The following FAM135B variants were observed in gnomAD, a reference collection of about 807,000 sequenced individuals.
FAM135B encodes the protein protein FAM135B.
FAM135B carries 43 observed loss-of-function variants against 127.7 expected under a neutral mutation model. That is an observed-to-expected ratio of 0.34 (90% CI 0.26 to 0.43). FAM135B has a LOEUF of 0.43. Ranked by LOEUF, FAM135B falls within the 20% of genes least tolerant of loss-of-function variation. The probability of loss-of-function intolerance (pLI) is 1.00; values close to 1 mark genes in which losing one functional copy is unlikely to be tolerated. For synonymous variants in FAM135B, 670 were observed against 665.1 expected (o/e 1.01, Z -0.11); for missense variants, 1,558 against 1,725.6 (o/e 0.90, Z 1.72).
At chr8:138,313,862 G>C (rs1031324649) in intron 2 of FAM135B, among the ~76,000 whole-genome samples, 7 of 150,818 alleles carry the variant, frequency 4.6e-5, no homozygotes, top group Non-Finnish European at 1.0e-4. Context: ...CAGCACCTTT[G>C]TGGTCATTCA....
intron 1 of FAM135B, among the ~76,000 whole-genome samples, chr8:138,428,843 C>G (rs143962918): frequency 3.3e-5 from 5 of 152,126 alleles, no homozygotes; most frequent in Non-Finnish European, 7.3e-5. Flanking sequence ...ATTTATACCT[C>G]GAAATTTAAT....
At chr8:138,188,317 A>C (rs79019332) in intron 9 of FAM135B, among the ~76,000 whole-genome samples, 2 of 152,194 alleles carry the variant, frequency 1.3e-5, no homozygotes, top group Admixed American at 1.3e-4. Flanking sequence ...GAAGTACTGC[A>C]GGCCCAGGAC....
chr8:138,441,170 C>G (rs918515592), intron 1 of FAM135B: 1 of 152,146 alleles, frequency 6.6e-6, no homozygotes, highest in African/African-American at 2.4e-5. Flanking sequence ...ATATTTTTTA[C>G]AGCACTGGAG....
intron 1 of FAM135B, among the ~76,000 whole-genome samples, chr8:138,379,362 G>C (rs532257260): frequency 6.6e-6 from 1 of 152,076 alleles, no homozygotes; most frequent in Non-Finnish European, 1.5e-5. Context: ...CTTTTGGGAA[G>C]ATCAACATAA....
chr8:138,268,652 A>T (rs1435046244), intron 3 of FAM135B, among the ~76,000 whole-genome samples: 1 of 152,106 alleles, frequency 6.6e-6, no homozygotes, highest in Non-Finnish European at 1.5e-5. Context: ...TACCCGACCC[A>T]CTATCCTCAC....
intron 4 of FAM135B, 51 bp from the exon 5 acceptor site, chr8:138,256,810 A>G: frequency 7.3e-7 from 1 of 1,376,304 alleles, no homozygotes; most frequent in Non-Finnish European, 1.0e-6. Flanking sequence ...TCTTGTCCAA[A>G]TGAAATACTT....
rs1359858851 is a variant in FAM135B at position 138,130,177 on chromosome 8, T to A, written c.*2416A>T. ...AATTTTTACAATCAATAATAGAATGTCCCTGTTTTACATAATATATATTTA... is the reference window on the plus strand; with the variant it reads ...AATTTTTACAATCAATAATAGAATGACCCTGTTTTACATAATATATATTTA... On this transcript the variant is annotated 3_prime_UTR_variant, in exon 20 of 20. Coordinates refer to ENST00000395297, the MANE Select transcript of FAM135B (RefSeq NM_015912.4). 1 of 150,440 alleles carries A rather than the reference T, an allele frequency of 6.6e-6. No individual in the cohort carries two copies. Among genetic ancestry groups the A allele is most frequent in the African/African-American group, 2.4e-5 (1 of 41,156 alleles). 9.3% of individuals were successfully genotyped at this position (150,440 alleles called of 1,614,324 possible).
intron 7 of FAM135B, among the ~76,000 whole-genome samples, chr8:138,233,668 A>C (rs1820061290): frequency 6.6e-6 from 1 of 152,208 alleles, no homozygotes; most frequent in Non-Finnish European, 1.5e-5. Context: ...GATGAGCAGG[A>C]CTACACAAAA....
chr8:138,200,084 C>CTGGA, intron 7 of FAM135B, among the ~76,000 whole-genome samples: 1 of 152,216 alleles, frequency 6.6e-6, no homozygotes, highest in African/African-American at 2.4e-5. Flanking sequence ...GAAGGTAGGG[C>CTGGA]TGGACATCAC....
intron 1 of FAM135B, among the ~76,000 whole-genome samples, chr8:138,482,561 T>C (rs1814824879): frequency 6.6e-6 from 1 of 152,138 alleles, no homozygotes; most frequent in South Asian, 2.1e-4. Flanking sequence ...TTGTAGCCAA[T>C]CCCAGGTCCT....
chr8:138,280,029 T>C (rs1824141505), intron 3 of FAM135B, among the ~76,000 whole-genome samples: 1 of 152,172 alleles, frequency 6.6e-6, no homozygotes, highest in East Asian at 1.9e-4. Flanking sequence ...CATGTAGTTT[T>C]ATAAACGCAT....
intron 4 of FAM135B, among the ~76,000 whole-genome samples, chr8:138,260,175 A>G (rs1374769496): frequency 1.3e-5 from 2 of 152,202 alleles, no homozygotes; most frequent in Non-Finnish European, 2.9e-5. Flanking sequence ...TAGGCCTGAG[A>G]ACCTGGCCTT....
At chr8:138,398,408 C>T (rs1316344035) in intron 1 of FAM135B, among the ~76,000 whole-genome samples, 7 of 152,218 alleles carry the variant, frequency 4.6e-5, no homozygotes, top group Non-Finnish European at 1.0e-4. Flanking sequence ...GCTCAATTTA[C>T]AAGTCAAAAC....
intron 1 of FAM135B, among the ~76,000 whole-genome samples, chr8:138,393,082 G>A (rs1435739094): frequency 6.6e-6 from 1 of 152,170 alleles, no homozygotes; most frequent in Non-Finnish European, 1.5e-5. Flanking sequence ...AAGAGAGCTT[G>A]TGCAGAAAAC....
intron 7 of FAM135B, among the ~76,000 whole-genome samples, chr8:138,206,520 TCATCCCCTCCATCTACACACAACTCCAG>T (rs1817644895): frequency 6.7e-6 from 1 of 148,874 alleles, no homozygotes. Context: ...CACAGCTCTA[TCATCCCCTCCATCTACACACAACTCCAG>T]CATCCCCTCC....
intron 12 of FAM135B, among the ~76,000 whole-genome samples, chr8:138,163,311 T>C (rs943692192): frequency 6.6e-6 from 1 of 152,062 alleles, no homozygotes; most frequent in African/African-American, 2.4e-5. Context: ...AACCTCCCAA[T>C]TGTCTTGGGA....
At chr8:138,425,895 TCTCAG>T (rs1834813272) in intron 1 of FAM135B, among the ~76,000 whole-genome samples, 1 of 149,352 alleles carries the variant, frequency 6.7e-6, no homozygotes, top group Non-Finnish European at 1.5e-5. Flanking sequence ...ATGCCTGTAA[TCTCAG>T]CACTTTGGGA....
chr8:138,443,662 G>A (rs192685566), intron 1 of FAM135B, among the ~76,000 whole-genome samples: 1 of 152,274 alleles, frequency 6.6e-6, no homozygotes, highest in African/African-American at 2.4e-5. Flanking sequence ...GAATTAGAGA[G>A]CAAACAAATG....
At chr8:138,303,027 C>T (rs1282811032) in intron 3 of FAM135B, among the ~76,000 whole-genome samples, 1 of 152,196 alleles carries the variant, frequency 6.6e-6, no homozygotes, top group Non-Finnish European at 1.5e-5. Context: ...GACAGTGTGG[C>T]AATTCCTCAA....
Sources: allele counts gnomAD v4.1 joint callset (sites outside exome capture counted in the v4.1 genomes callset), GRCh38; gene constraint gnomAD v4.1.1; transcripts MANE v1.5; gene names NCBI Gene and HGNC (gene_info 2026-07-23, HGNC 2026-07-21).